The following ATP8A1 variants were observed in gnomAD, a reference collection of about 807,000 sequenced individuals.
ATP8A1 encodes phospholipid-transporting ATPase IA.
A neutral mutation model predicts 177.7 loss-of-function variants in ATP8A1; 90 were observed. That is an observed-to-expected ratio of 0.51 (90% confidence interval 0.43 to 0.60). The LOEUF (loss-of-function observed/expected upper bound fraction) is 0.60. Among genes scored for constraint, ATP8A1 ranks in the 20% least tolerant of loss-of-function variants. The pLI is 0.00. For synonymous variants in ATP8A1, 493 were observed against 485.9 expected (o/e 1.01, Z -0.19); for missense variants, 1,072 against 1,392.8 (o/e 0.77, Z 3.67).
At chr4:42,647,714 T>C (rs1409772702) in intron 1 of ATP8A1, among the ~76,000 whole-genome samples, 1 of 152,102 alleles carries the variant, frequency 6.6e-6, no homozygotes, top group East Asian at 1.9e-4. Context: ...GATTTGTAAG[T>C]AGATTCCATG....
chr4:42,460,936 A>G (rs971097342), intron 27 of ATP8A1, among the ~76,000 whole-genome samples: 1 of 152,168 alleles, frequency 6.6e-6, no homozygotes, highest in African/African-American at 2.4e-5. Flanking sequence ...GACAATAAGA[A>G]GGCAACTTTT....
intron 20 of ATP8A1, among the ~76,000 whole-genome samples, chr4:42,542,531 T>G (rs1261492527): frequency 6.6e-6 from 1 of 152,178 alleles, no homozygotes; most frequent in Non-Finnish European, 1.5e-5. Context: ...GCCATGTTGG[T>G]TTGCTGCTCC....
At chr4:42,610,307 A>T (rs1317581922) in intron 5 of ATP8A1, among the ~76,000 whole-genome samples, 1 of 152,148 alleles carries the variant, frequency 6.6e-6, no homozygotes, top group Non-Finnish European at 1.5e-5. Context: ...AGACTTTCTG[A>T]AGTAAAATAA....
intron 25 of ATP8A1, among the ~76,000 whole-genome samples, chr4:42,482,410 T>C (rs879500086): frequency 2.6e-5 from 4 of 151,962 alleles, no homozygotes; most frequent in Non-Finnish European, 5.9e-5. Flanking sequence ...TTGGGTTTTA[T>C]ATACTTAAGA....
intron 5 of ATP8A1, among the ~76,000 whole-genome samples, chr4:42,602,851 C>A (rs1577682154): frequency 6.6e-6 from 1 of 151,762 alleles, no homozygotes; most frequent in Non-Finnish European, 1.5e-5. Flanking sequence ...CCAGTGGCTA[C>A]AATATAATAA....
chr4:42,455,256 A>G (rs1307151874), intron 29 of ATP8A1, 41 bp downstream of exon 29: 1 of 1,609,086 alleles, frequency 6.2e-7, no homozygotes, highest in Non-Finnish European at 8.5e-7. Flanking sequence ...CAGTAAACAC[A>G]GACCCACCAA....
intron 18 of ATP8A1, 66 bp from the exon 19 acceptor site, chr4:42,549,128 C>G: frequency 7.5e-7 from 1 of 1,333,564 alleles, no homozygotes; most frequent in Non-Finnish European, 1.1e-6. Flanking sequence ...GGAAATAAAT[C>G]CTAGCCATAA....
chr4:42,569,268 T>C (rs1731673256), intron 14 of ATP8A1, 63 bp from the exon 15 acceptor site: 1 of 1,330,642 alleles, frequency 7.5e-7, no homozygotes, highest in Non-Finnish European at 1.0e-6. Context: ...GCTGGAAACA[T>C]AAAACCACGA....
rs1732695342 is a variant in ATP8A1, at chr4:42,578,446, C to T, written c.1001-59G>A. The T allele has an allele frequency of 4.5e-6, 7 of 1,572,164 alleles. No homozygotes were observed. In the South Asian group the frequency reaches 4.7e-5, roughly 11 times the overall value. On this transcript the variant is annotated intron_variant, in intron 11 of 36. Coordinates refer to ENST00000381668, the MANE Select transcript of ATP8A1 (RefSeq NM_006095.2). ...GTTTTATATTTTATTTGCATTGACC[C>T]CAAATTAGCATAATACAAGTTTTCC...
In ATP8A1 at chr4:42,657,030, C is replaced by A. The variant is rs1426960857; in HGVS notation, c.-157G>T. The stretch of plus-strand genomic sequence containing the variant: ...CAGAGCTGCCGCCGGGCGCGGCCCC[C>A]GCACGCCGACAGGAGGAGGAGAAAG... On this transcript the variant is annotated 5_prime_UTR_variant, in exon 1 of 37. Transcript: ENST00000381668. 3 of 681,128 alleles carry A rather than the reference C, an allele frequency of 4.4e-6. No individual in the cohort carries two copies. Among genetic ancestry groups the A allele is most frequent in the Non-Finnish European group, 6.2e-6 (3 of 484,802 alleles). 42.2% of individuals were successfully genotyped at this position (681,128 alleles called of 1,614,324 possible).
At chr4:42,516,263 T>C (rs1725524953) in intron 22 of ATP8A1, among the ~76,000 whole-genome samples, 1 of 152,176 alleles carries the variant, frequency 6.6e-6, no homozygotes. Flanking sequence ...AACACAACAT[T>C]GCTATCTGAT....
At chr4:42,494,670 A>G (rs1723087195) in intron 24 of ATP8A1, among the ~76,000 whole-genome samples, 1 of 152,230 alleles carries the variant, frequency 6.6e-6, no homozygotes, top group South Asian at 2.1e-4. Flanking sequence ...AAATATTTAT[A>G]TAACTAACCA....
chr4:42,561,403 TC>T (rs1730817721), intron 15 of ATP8A1: 1 of 152,210 alleles, frequency 6.6e-6, no homozygotes, highest in Non-Finnish European at 1.5e-5. Context: ...CCTCCAGACA[TC>T]CCTCTGGGAA....
chr4:42,560,717 C>T (rs1281449534), intron 15 of ATP8A1, among the ~76,000 whole-genome samples: 1 of 151,910 alleles, frequency 6.6e-6, no homozygotes, highest in Non-Finnish European at 1.5e-5. Flanking sequence ...AATTGTTTAA[C>T]TACATAACAT....
intron 33 of ATP8A1, among the ~76,000 whole-genome samples, chr4:42,433,304 A>C (rs1484900264): frequency 1.3e-5 from 2 of 152,208 alleles, no homozygotes; most frequent in African/African-American, 4.8e-5. Flanking sequence ...GTCCCTGTGC[A>C]TTATGAGCAT....
chr4:42,653,360 G>A (rs1248196491), intron 1 of ATP8A1, among the ~76,000 whole-genome samples: 1 of 152,022 alleles, frequency 6.6e-6, no homozygotes, highest in African/African-American at 2.4e-5. Context: ...TGCCTCACTA[G>A]AAAGTAAGCA....
At chr4:42,526,507 C>A (rs920035625) in intron 20 of ATP8A1, among the ~76,000 whole-genome samples, 1 of 151,988 alleles carries the variant, frequency 6.6e-6, no homozygotes, top group African/African-American at 2.4e-5. Context: ...CAGCTGCCTG[C>A]GAATATAAAG....
At chr4:42,462,362 C>T (rs1042847349) in intron 27 of ATP8A1, among the ~76,000 whole-genome samples, 2 of 152,182 alleles carry the variant, frequency 1.3e-5, no homozygotes, top group African/African-American at 2.4e-5. Context: ...TGTGTGCAGC[C>T]AAGAGACTTG....
In ATP8A1 at chr4:42,624,562, C is replaced by T; in HGVS notation, c.337G>A (p.Ala113Thr). ...ATATCTTCTATTATCTCTTTGATAG[C>T]TGCCACAGCTAAAATAAATAAGAGA... is the stretch of plus-strand genomic sequence containing the variant. The part of the protein sequence containing the change: ...VPLLFILAVA[A>T]IKEIIEDIKR... The change falls in exon 4 of 37, where the codon GCT becomes ACT. Residue 113 changes from alanine (A) to threonine (T), a missense_variant. This residue lies in a region of ATP8A1 where 344 missense variants were observed against 393.5 expected (regional missense o/e 0.87). Coordinates refer to ENST00000381668, the MANE Select transcript of ATP8A1 (RefSeq NM_006095.2). The T allele has an allele frequency of 6.7e-7, 1 of 1,492,894 alleles. No individual in the cohort carries two copies. The highest frequency in any genetic ancestry group is 8.9e-7 in the Non-Finnish European group (1 of 1,117,392). 92.5% of individuals were successfully genotyped at this position (1,492,894 alleles called of 1,614,324 possible). A position where few individuals can be genotyped will look rare whatever the true frequency, so the allele number is the denominator to read the frequency against.
Sources: allele counts gnomAD v4.1 joint callset (sites outside exome capture counted in the v4.1 genomes callset), GRCh38; gene constraint gnomAD v4.1.1; regional missense constraint gnomAD v4.1.1; transcripts MANE v1.5; gene names NCBI Gene and HGNC (gene_info 2026-07-23, HGNC 2026-07-21).